Variants in TMEM233 observed in about 807,000 individuals in gnomAD.
TMEM233 encodes dispanin subfamily B member 2.
A neutral mutation model predicts 11.2 loss-of-function variants in TMEM233; 6 were observed. The ratio of observed to expected loss-of-function variants is 0.54; its 90% CI spans 0.29 to 1.06. The LOEUF is 1.06. TMEM233 is among the 50% of genes least tolerant of loss of function. The pLI is 0.08. For synonymous variants in TMEM233, 59 were observed against 55.8 expected (o/e 1.06, Z -0.26); for missense variants, 127 against 144.7 (o/e 0.88, Z 0.63).
chr12:119,623,173 T>C (rs755875393), intron 1 of TMEM233, among the ~76,000 whole-genome samples: 3 of 152,204 alleles, frequency 2.0e-5, no homozygotes, highest in African/African-American at 4.8e-5. Flanking sequence ...TCTTCCCACT[T>C]TTTTGGTCAC....
intron 1 of TMEM233, among the ~76,000 whole-genome samples, chr12:119,626,812 T>C (rs939803829): frequency 6.6e-6 from 1 of 152,186 alleles, no homozygotes; most frequent in African/African-American, 2.4e-5. Flanking sequence ...CTCAAAAACT[T>C]CACATTCTGT....
At chr12:119,638,344 T>G (rs571261246) in intron 2 of TMEM233, among the ~76,000 whole-genome samples, 2 of 152,232 alleles carry the variant, frequency 1.3e-5, no homozygotes, top group South Asian at 2.1e-4. Flanking sequence ...GCACCTGTAG[T>G]CCCAGCTACT....
intron 1 of TMEM233, among the ~76,000 whole-genome samples, chr12:119,604,841 C>T (rs1937697047): frequency 6.6e-6 from 1 of 152,022 alleles, no homozygotes; most frequent in Non-Finnish European, 1.5e-5. Flanking sequence ...CCTGTGTTGC[C>T]CAAGCTCGTC....
rs1474931553 is a variant in TMEM233 at position 119,642,547 on chromosome 12, C to T, written c.*1842C>T. 1 of 152,108 alleles carries T rather than the reference C, an allele frequency of 6.6e-6. No individual in the cohort carries two copies. Among genetic ancestry groups the T allele is most frequent in the East Asian group, 1.9e-4 (1 of 5,198 alleles). The allele number at this position is 152,108 out of a possible 1,614,324, so 9.4% of individuals were successfully genotyped here. ...TGAGAGTCAATACCTAGTTCCAACG[C>T]CCTTTTGTTTTTGCAGGGTTTTTAT... On this transcript the variant is annotated 3_prime_UTR_variant, in exon 3 of 3. Coordinates refer to ENST00000426426, the MANE Select transcript of TMEM233 (RefSeq NM_001136534.3).
At position 119,629,753 on chromosome 12, in the gene TMEM233, C is replaced by A; in HGVS notation, c.204C>A (p.Asn68Lys). The change falls in exon 2 of 3, where the codon AAC (asparagine) becomes AAA (lysine). Residue 68 changes from asparagine (N) to lysine (K), a missense_variant. Coordinates refer to ENST00000426426, the MANE Select transcript of TMEM233 (RefSeq NM_001136534.3). ...VFSIMSLNSY[N>K]DGDYEGARRL... ...TCCCCCAGTCTCTGAACAGCTACAA[C>A]GATGGAGACTACGAAGGAGCCAGGC... 1 of 1,551,156 alleles carries A rather than the reference C, an allele frequency of 6.4e-7. No homozygotes were observed. The highest frequency in any genetic ancestry group is 8.7e-7 in the Non-Finnish European group (1 of 1,146,696).
intron 1 of TMEM233, among the ~76,000 whole-genome samples, chr12:119,617,725 C>T (rs7955119): frequency 0.34 from 51,993 of 151,802 alleles, 9,556 homozygotes; most frequent in African/African-American, 0.43. Flanking sequence ...CCCAGCTACT[C>T]GGGAGGCTGA....
At chr12:119,615,173 T>TAAAAAAAAAAAAAAA (rs60318959) in intron 1 of TMEM233, among the ~76,000 whole-genome samples, 10 of 56,198 alleles carry the variant, frequency 1.8e-4, no homozygotes, top group East Asian at 7.4e-4. Context: ...CGCTTTCTGC[T>TAAAAAAAAAAAAAAA]AAAAAAAAAA....
At chr12:119,615,768 G>C (rs962132738) in intron 1 of TMEM233, among the ~76,000 whole-genome samples, 3 of 152,180 alleles carry the variant, frequency 2.0e-5, no homozygotes, top group African/African-American at 7.2e-5. Flanking sequence ...CAGTGGAGTA[G>C]CTTTGCCGTC....
chr12:119,640,020 C>T lies in TMEM233; in HGVS notation c.324-679C>T, dbSNP rs1566116235. 2.0e-5 allele frequency among the ~76,000 whole-genome samples: 3 copies of T among 152,320 alleles called. No individual in the cohort carries two copies. The South Asian group carries it at 6.2e-4, about 32-fold the overall frequency. On this transcript the variant is annotated intron_variant, in intron 2 of 2. Coordinates refer to ENST00000426426, the MANE Select transcript of TMEM233 (RefSeq NM_001136534.3). Reference sequence around the variant, plus strand: ...TTTCTACATGCTTATTGATCAGTTTCAATGCAGAGAAAAACGCCTGGAGAA... The same window carrying T: ...TTTCTACATGCTTATTGATCAGTTTTAATGCAGAGAAAAACGCCTGGAGAA...
At chr12:119,612,729 C>G (rs553184293) in intron 1 of TMEM233, among the ~76,000 whole-genome samples, 1 of 133,298 alleles carries the variant, frequency 7.5e-6, no homozygotes, top group African/African-American at 2.9e-5. Context: ...CCAGCCTGGG[C>G]GACAGACCAA....
chr12:119,633,103 A>G (rs1593309238), intron 2 of TMEM233, among the ~76,000 whole-genome samples: 1 of 152,224 alleles, frequency 6.6e-6, no homozygotes. Flanking sequence ...CACTGTTCAC[A>G]AAGGTTAGAG....
At chr12:119,623,768 G>A (rs996187178) in intron 1 of TMEM233, among the ~76,000 whole-genome samples, 3 of 152,166 alleles carry the variant, frequency 2.0e-5, no homozygotes, top group Admixed American at 6.5e-5. Flanking sequence ...CACTATGTGC[G>A]GAGCCAATAC....
At chr12:119,612,736 C>A (rs1369526826) in intron 1 of TMEM233, among the ~76,000 whole-genome samples, 1 of 130,344 alleles carries the variant, frequency 7.7e-6, no homozygotes, top group East Asian at 2.1e-4. Flanking sequence ...GGGCGACAGA[C>A]CAAGACTCCG....
At chr12:119,621,579 G>A (rs912823438) in intron 1 of TMEM233, among the ~76,000 whole-genome samples, 3 of 152,140 alleles carry the variant, frequency 2.0e-5, no homozygotes, top group African/African-American at 4.8e-5. Context: ...AACTAGCCAC[G>A]TGACTATGGA....
Position 119,593,952 on chromosome 12 carries a change from A to C in TMEM233, c.104A>C (p.Lys35Thr), listed in dbSNP as rs1452256421. ...DKTEEDVPMP[K>T]NYLWLTIVSC... ...ACCGAGGAGGACGTGCCCATGCCCA[A>C]GAACTACCTGTGGCTCACCATCGTC... The change falls in exon 1 of 3, where the codon AAG becomes ACG. Residue 35 changes from lysine (K) to threonine (T), a missense_variant. Lys to Thr is a moderately conservative substitution (Grantham distance 78). Coordinates refer to ENST00000426426, the MANE Select transcript of TMEM233 (RefSeq NM_001136534.3). This position sits in a 1 kb window ranked among gnomAD's most constrained non-coding sequence, Gnocchi z 4.1. 2.7e-5 allele frequency: 42 copies of C among 1,551,742 alleles called. No individual in the cohort carries two copies. Among genetic ancestry groups the C allele is most frequent in the Non-Finnish European group, 1.0e-5 (12 of 1,146,984 alleles).
chr12:119,606,276 G>T (rs1954277100), intron 1 of TMEM233, among the ~76,000 whole-genome samples: 1 of 151,102 alleles, frequency 6.6e-6, no homozygotes, highest in Admixed American at 6.6e-5. Flanking sequence ...GTCTACAGAT[G>T]GAGGGGAGTA....
chr12:119,616,366 G>A (rs1954533844), intron 1 of TMEM233, among the ~76,000 whole-genome samples: 1 of 152,208 alleles, frequency 6.6e-6, no homozygotes, highest in Non-Finnish European at 1.5e-5. Context: ...TTGGATAACA[G>A]AGGAAAATTA....
intron 1 of TMEM233, among the ~76,000 whole-genome samples, chr12:119,610,067 AGCTGC>A (rs556517613): frequency 1.3e-5 from 2 of 152,380 alleles, no homozygotes; most frequent in South Asian, 4.1e-4. Context: ...ACAGAGGCAG[AGCTGC>A]CCAAGGCTAT....
chr12:119,621,859 CA>C (rs1455815224), intron 1 of TMEM233, among the ~76,000 whole-genome samples: 1 of 152,110 alleles, frequency 6.6e-6, no homozygotes, highest in Admixed American at 6.6e-5. Context: ...ACCAGCTAGC[CA>C]AAGCAAAACA....
Sources: allele counts gnomAD v4.1 joint callset (sites outside exome capture counted in the v4.1 genomes callset), GRCh38; gene constraint gnomAD v4.1.1; non-coding constraint Gnocchi (gnomAD v3.1); transcripts MANE v1.5; gene names NCBI Gene and HGNC (gene_info 2026-07-23, HGNC 2026-07-21).